The following TENM2 variants were observed in gnomAD, a reference collection of about 807,000 sequenced individuals.
TENM2 encodes the protein teneurin transmembrane protein 2.
A neutral mutation model predicts 245.2 loss-of-function variants in TENM2; 52 were observed. The observed-to-expected ratio is 0.21, with a 90% CI of 0.17 to 0.27. TENM2 has a LOEUF of 0.27. Among genes scored for constraint, TENM2 ranks in the 10% least tolerant of loss-of-function variants. The pLI, the probability that TENM2 is intolerant of heterozygous loss-of-function variation, is 1.00. For synonymous variants in TENM2, 1,363 were observed against 1,438.9 expected (o/e 0.95, Z 1.19); for missense variants, 3,046 against 3,666.8 (o/e 0.83, Z 4.37).
Position 167,997,660 on chromosome 5 carries a change from G to A in TENM2, c.1186+4478G>A, listed in dbSNP as rs559791397. On this transcript the variant is annotated intron_variant, in intron 5 of 28. Coordinates refer to ENST00000518659, the Ensembl canonical transcript of TENM2. ...CATAAAATTTTAATTATGCCCCCTG[G>A]TTTTTTAGTTTAATGTAATTTTTAT... 2.6e-5 allele frequency among the ~76,000 whole-genome samples: 4 copies of A among 152,004 alleles called. No individual in the cohort carries two copies. The South Asian group carries it at 6.3e-4, about 24-fold the overall frequency.
the TENM2 span, among the ~76,000 whole-genome samples, chr5:167,066,585 A>T: frequency 7.1e-6 from 1 of 140,792 alleles, no homozygotes. Flanking sequence ...CCTGTGTCCA[A>T]GTGTTCTCAT....
chr5:166,996,313 A>G, the TENM2 span, among the ~76,000 whole-genome samples: 1 of 152,194 alleles, frequency 6.6e-6, no homozygotes, highest in African/African-American at 2.4e-5. Flanking sequence ...ACTGCAGTCC[A>G]GCCTGGGCGA....
chr5:168,100,526 C>G (rs138589086), intron 9 of TENM2, among the ~76,000 whole-genome samples: 1 of 152,130 alleles, frequency 6.6e-6, no homozygotes. Context: ...AAATGTGGCA[C>G]ATATACACCA....
chr5:167,608,536 C>T (rs545165913), intron 2 of TENM2, among the ~76,000 whole-genome samples: 5 of 152,324 alleles, frequency 3.3e-5, no homozygotes, highest in African/African-American at 4.8e-5. Context: ...TTTGACAAAT[C>T]GTTCACATTA....
the TENM2 span, among the ~76,000 whole-genome samples, chr5:167,122,651 G>A: frequency 1.3e-5 from 2 of 152,132 alleles, no homozygotes; most frequent in Admixed American, 6.5e-5. Flanking sequence ...AATGACTAAT[G>A]GTAGAATTAG....
At chr5:167,548,808 AGTT>A (rs558344221) in intron 2 of TENM2, among the ~76,000 whole-genome samples, 47 of 152,282 alleles carry the variant, frequency 3.1e-4, no homozygotes, top group African/African-American at 1.1e-3. Flanking sequence ...TGTATTTTTC[AGTT>A]GTTGGAAATC....
intron 2 of TENM2, among the ~76,000 whole-genome samples, chr5:167,546,284 T>C (rs996288610): frequency 4.6e-5 from 7 of 152,190 alleles, no homozygotes; most frequent in Non-Finnish European, 7.3e-5. Context: ...GTCTTCTTTT[T>C]TTGTTTGTTT....
intron 2 of TENM2, among the ~76,000 whole-genome samples, chr5:167,575,025 ATG>A (rs1168839326): frequency 1.3e-5 from 2 of 150,098 alleles, no homozygotes; most frequent in Non-Finnish European, 3.0e-5. Context: ...AGTTTTGATT[ATG>A]TGTTTTTAAC....
rs1768247153 is a variant in TENM2 at position 167,829,187 on chromosome 5, T to A, written c.503-46799T>A. Among the ~76,000 whole-genome samples, 8 of 152,356 alleles carry A rather than the reference T, an allele frequency of 5.3e-5. No homozygotes were observed. The South Asian group carries it at 1.7e-3, about 32-fold the overall frequency. ...AATGCATTTGAAATGCTATTTCCTC[T>A]TATGAAGAAGAAGAAAAGTAAACAA... On this transcript the variant is annotated intron_variant, in intron 2 of 28. Coordinates refer to ENST00000518659, the Ensembl canonical transcript of TENM2.
chr5:167,728,511 G>A (rs901525823), intron 2 of TENM2, among the ~76,000 whole-genome samples: 14 of 152,178 alleles, frequency 9.2e-5, no homozygotes, highest in Non-Finnish European at 1.8e-4. Flanking sequence ...TCAGGAGGCA[G>A]GAGGATTACT....
At chr5:167,695,213 T>C (rs761711063) in intron 2 of TENM2, among the ~76,000 whole-genome samples, 2 of 152,196 alleles carry the variant, frequency 1.3e-5, no homozygotes, top group Non-Finnish European at 2.9e-5. Flanking sequence ...AGGCAAACTT[T>C]ATCTGTAAAG....
intron 3 of TENM2, among the ~76,000 whole-genome samples, chr5:167,881,895 A>G (rs1241378972): frequency 6.6e-6 from 1 of 152,090 alleles, no homozygotes; most frequent in Non-Finnish European, 1.5e-5. Flanking sequence ...ACTTTACATG[A>G]CTTTCTTCAT....
intron 21 of TENM2, among the ~76,000 whole-genome samples, chr5:168,215,575 A>G (rs1191319128): frequency 6.6e-6 from 1 of 152,246 alleles, no homozygotes; most frequent in Non-Finnish European, 1.5e-5. Context: ...AGGCTGAGGC[A>G]GGAGAATGGC....
chr5:167,364,560 C>T (rs1759922851), intron 1 of TENM2, among the ~76,000 whole-genome samples: 1 of 151,902 alleles, frequency 6.6e-6, no homozygotes, highest in South Asian at 2.1e-4. Flanking sequence ...CTACAAAAGG[C>T]ATATGTCAAA....
the TENM2 span, among the ~76,000 whole-genome samples, chr5:167,105,012 C>T: frequency 6.6e-6 from 1 of 152,156 alleles, no homozygotes. Context: ...GCTACTTCCA[C>T]AAAGCACATT....
chr5:167,464,120 G>T (rs1766497828), intron 2 of TENM2, among the ~76,000 whole-genome samples: 1 of 152,166 alleles, frequency 6.6e-6, no homozygotes, highest in African/African-American at 2.4e-5. Context: ...TTCATTGATT[G>T]TGTCAGATTT....
At chr5:167,426,313 C>T (rs1763819998) in intron 2 of TENM2, among the ~76,000 whole-genome samples, 2 of 152,058 alleles carry the variant, frequency 1.3e-5, no homozygotes, top group African/African-American at 4.8e-5. Context: ...AGTAATCTTA[C>T]AAAAGTTTTA....
the TENM2 span, among the ~76,000 whole-genome samples, chr5:167,174,414 CTGTTTT>C: frequency 6.6e-6 from 1 of 152,086 alleles, no homozygotes; most frequent in Admixed American, 6.6e-5. Context: ...TCCCACATTG[CTGTTTT>C]GACATAGTAT....
intron 2 of TENM2, among the ~76,000 whole-genome samples, chr5:167,527,746 A>G (rs1771218280): frequency 6.6e-6 from 1 of 152,156 alleles, no homozygotes; most frequent in Non-Finnish European, 1.5e-5. Context: ...CTTGTATTTC[A>G]ACCTTAGCAA....
Sources: gnomAD v4.1 joint callset for allele counts (sites outside exome capture counted in the v4.1 genomes callset) on GRCh38, gnomAD v4.1.1 for gene constraint, MANE v1.5 for transcripts, NCBI Gene and HGNC (gene_info 2026-07-23, HGNC 2026-07-21) for gene names.